Variants in CERK observed in about 807,000 individuals in gnomAD.
The protein encoded by CERK is ceramide kinase.
CERK carries 39 observed loss-of-function variants against 63.4 expected under a neutral mutation model. The observed-to-expected ratio is 0.61, with a 90% CI of 0.48 to 0.80. The LOEUF (loss-of-function observed/expected upper bound fraction) is 0.80. Among genes scored for constraint, CERK ranks in the 30% least tolerant of loss-of-function variants. The probability of loss-of-function intolerance (pLI) is 0.00; values close to 1 mark genes in which losing one functional copy is unlikely to be tolerated. For missense variants in CERK, 670 were observed against 714.1 expected (o/e 0.94, Z 0.70); for synonymous variants, 302 against 280.0 (o/e 1.08, Z -0.78).
At chr22:46,706,672 C>T (rs373242876) in intron 6 of CERK, among the ~76,000 whole-genome samples, 6 of 152,244 alleles carry the variant, frequency 3.9e-5, no homozygotes, top group African/African-American at 1.4e-4. Context: ...GGGAAGGGAT[C>T]GTAACCAGAC....
chr22:46,710,848 G>A (rs180751600), intron 5 of CERK, among the ~76,000 whole-genome samples: 5 of 152,328 alleles, frequency 3.3e-5, no homozygotes, highest in African/African-American at 4.8e-5. Flanking sequence ...CTGAAAGACC[G>A]AAAGGGAACA....
In CERK at chr22:46,714,879, A is replaced by G. The variant is rs988860873; in HGVS notation, c.380-2586T>C. 6.6e-6 allele frequency among the ~76,000 whole-genome samples: 1 copy of G among 152,196 alleles called. No individual in the cohort carries two copies. Among genetic ancestry groups the G allele is most frequent in the Non-Finnish European group, 1.5e-5 (1 of 68,042 alleles). On this transcript the variant is annotated intron_variant, in intron 3 of 12. Transcript: ENST00000216264. The surrounding 1 kb of genome is among the most constrained non-coding windows in gnomAD (Gnocchi z 4.4). ...CAAAAATCCTAAACACAATATCGGT[A>G]AGTCAAATCCAGTGACACATAAACA...
At chr22:46,715,919 C>T (rs1238796243) in intron 3 of CERK, among the ~76,000 whole-genome samples, 1 of 151,972 alleles carries the variant, frequency 6.6e-6, no homozygotes, top group Non-Finnish European at 1.5e-5. Flanking sequence ...AGTATAGTAG[C>T]TCACCCTGGT....
chr22:46,701,581 T>C, intron 7 of CERK, 55 bp downstream of exon 7: 1 of 1,460,698 alleles, frequency 6.8e-7, no homozygotes, highest in Non-Finnish European at 9.3e-7. Context: ...GGGACAGGCC[T>C]GGGGGCGCAG....
At position 46,690,150 on chromosome 22, in the gene CERK, C is replaced by T. The variant is rs746012734; in HGVS notation, c.1383G>A (p.Thr461=). 154 of 1,613,876 alleles carry T rather than the reference C, an allele frequency of 9.5e-5. No homozygotes were observed. The highest frequency in any genetic ancestry group is 6.4e-5 in the Non-Finnish European group (76 of 1,180,014). The change falls in exon 12 of 13, where the codon ACG becomes ACA. Residue 461 remains threonine (T), a synonymous_variant. Transcript: ENST00000216264. The part of the protein sequence containing the change: ...EVYRVKKFQF[T]SKHMEDEDSD... ...TGTCCTCATCCTCCATGTGCTTCGA[C>T]GTAAACTGGAATTTCTTGACGCGAT...
At chr22:46,724,883 T>A (rs897839002) in intron 1 of CERK, among the ~76,000 whole-genome samples, 1 of 152,022 alleles carries the variant, frequency 6.6e-6, no homozygotes, top group South Asian at 2.1e-4. Flanking sequence ...TAGCCGGGTG[T>A]GGTGGCGGGC....
rs145641716 is a variant in CERK at position 46,690,039 on chromosome 22, G to A, written c.1494C>T (p.Ser498=). 2 of 1,612,822 alleles carry A rather than the reference G, an allele frequency of 1.2e-6. No individual in the cohort carries two copies. The highest frequency in any genetic ancestry group is 1.3e-5 in the African/African-American group (1 of 74,842). The change falls in exon 12 of 13, where the codon TCC becomes TCT. Residue 498 remains serine (S), a synonymous_variant. Transcript: ENST00000216264. ...PSCCCTVSNS[S]WNCDGEVLHS... ...GCAGGACCTCCCCGTCGCAGTTCCA[G>A]GAGCTGTTGGAGACGGTGCAGCAGC...
Position 46,707,936 on chromosome 22 carries a change from T to G in CERK, c.622A>C (p.Ile208Leu). 1 of 1,613,784 alleles carries G rather than the reference T, an allele frequency of 6.2e-7. No individual in the cohort carries two copies. The highest frequency in any genetic ancestry group is 1.1e-5 in the South Asian group (1 of 91,080). ...GMFSEVLHGL[I>L]GRTQRSAGVD... ...CCGGCGCTCCTCTGCGTCCTCCCAA[T>G]CAGACCGTGCAGCACCTCGCTGAAC... Residue 208 changes from isoleucine (I) to leucine (L), a missense_variant, in exon 6 of 13, where the codon ATT (isoleucine) becomes CTT (leucine). Ile to Leu is a conservative substitution (Grantham distance 5). Transcript: ENST00000216264.
At chr22:46,692,079 C>T (rs1219990620) in intron 10 of CERK, among the ~76,000 whole-genome samples, 1 of 152,156 alleles carries the variant, frequency 6.6e-6, no homozygotes, top group Non-Finnish European at 1.5e-5. Flanking sequence ...CAGATCCGGC[C>T]CGCCGCCCGT....
intron 1 of CERK, among the ~76,000 whole-genome samples, chr22:46,722,659 A>G (rs1264419703): frequency 6.6e-6 from 1 of 151,566 alleles, no homozygotes; most frequent in East Asian, 1.9e-4. Context: ...TCCCGGTTCA[A>G]GCGATTCTCC....
At chr22:46,718,971 G>A (rs953713723) in intron 3 of CERK, among the ~76,000 whole-genome samples, 10 of 152,114 alleles carry the variant, frequency 6.6e-5, no homozygotes, top group Non-Finnish European at 1.3e-4. Flanking sequence ...AGGAGACTGA[G>A]GTGGGAAGAT....
intron 3 of CERK, among the ~76,000 whole-genome samples, chr22:46,716,940 C>CA (rs61597066): frequency 6.6e-4 from 92 of 139,040 alleles, no homozygotes; most frequent in Middle Eastern, 3.7e-3. Context: ...GTCCCCCCAC[C>CA]AAAAAAAAAA....
At chr22:46,693,289 GAA>G in intron 10 of CERK, 136 bp downstream of exon 10, 1 of 695,254 alleles carries the variant, frequency 1.4e-6, no homozygotes, top group Non-Finnish European at 2.6e-6. Context: ...GGGCTAAGAA[GAA>G]ATGGATGCCT....
At chr22:46,708,670 C>T (rs536637181) in intron 5 of CERK, among the ~76,000 whole-genome samples, 8 of 152,234 alleles carry the variant, frequency 5.3e-5, no homozygotes, top group Non-Finnish European at 1.0e-4. Context: ...TGTCCTATGC[C>T]GGGGGTAACC....
chr22:46,722,820 C>T (rs1295672430), intron 1 of CERK, among the ~76,000 whole-genome samples: 4 of 152,180 alleles, frequency 2.6e-5, no homozygotes, highest in Non-Finnish European at 4.4e-5. Context: ...AGGCAGTCCA[C>T]GTGCGTCCTG....
At chr22:46,692,765 C>T (rs1485746674) in intron 10 of CERK, among the ~76,000 whole-genome samples, 1 of 151,404 alleles carries the variant, frequency 6.6e-6, no homozygotes, top group African/African-American at 2.4e-5. Flanking sequence ...ATTAGCTGGG[C>T]ATGGTGGCAC....
chr22:46,694,030 G>A (rs532153630), intron 9 of CERK, among the ~76,000 whole-genome samples: 7 of 152,248 alleles, frequency 4.6e-5, no homozygotes, highest in African/African-American at 1.2e-4. Flanking sequence ...GATGGAAATC[G>A]CTCATCAGCA....
chr22:46,707,940 A>G lies in CERK; in HGVS notation c.618T>C (p.Gly206=). 1 of 1,613,636 alleles carries G rather than the reference A, an allele frequency of 6.2e-7. No homozygotes were observed. Among genetic ancestry groups the G allele is most frequent in the East Asian group, 2.2e-5 (1 of 44,856 alleles). The change falls in exon 6 of 13, where the codon GGT becomes GGC. Residue 206 remains glycine, a synonymous_variant. Transcript: ENST00000216264. ...CGCTCCTCTGCGTCCTCCCAATCAG[A>G]CCGTGCAGCACCTCGCTGAACATAC... ...GDGMFSEVLH[G]LIGRTQRSAG...
Position 46,738,004 on chromosome 22 carries a change from C to CA in CERK, c.142+2dup. ...GCCGAACCCGGGCGGCGGCGACACTCACCCGCGCCGGGGGCGCCGGCTCCG... is the reference window on the plus strand; with the variant it reads ...GCCGAACCCGGGCGGCGGCGACACTCAACCCGCGCCGGGGGCGCCGGCTCCG... On this transcript the variant is annotated splice_region_variant and intron_variant, in intron 1 of 12. Coordinates refer to ENST00000216264, the MANE Select transcript of CERK (RefSeq NM_022766.6). The CA allele has an allele frequency of 1.7e-6, 2 of 1,178,194 alleles. No individual in the cohort carries two copies. Among genetic ancestry groups the CA allele is most frequent in the Non-Finnish European group, 2.1e-6 (2 of 956,222 alleles). The allele number at this position is 1,178,194 out of a possible 1,614,324, so 73.0% of individuals were successfully genotyped here. A position where few individuals can be genotyped will look rare whatever the true frequency, so the allele number is the denominator to read the frequency against.
Sources: gnomAD v4.1 joint callset for allele counts (sites outside exome capture counted in the v4.1 genomes callset) on GRCh38, gnomAD v4.1.1 for gene constraint, Gnocchi (gnomAD v3.1) non-coding constraint, MANE v1.5 for transcripts, NCBI Gene and HGNC (gene_info 2026-07-23, HGNC 2026-07-21) for gene names.